ZC3HAV1: variants seen among roughly 807,000 people sequenced by gnomAD.
ZC3HAV1 encodes zinc finger CCCH-type antiviral protein 1.
A neutral mutation model predicts 86.6 loss-of-function variants in ZC3HAV1; 41 were observed. The ratio of observed to expected loss-of-function variants is 0.47; its 90% CI spans 0.37 to 0.61. ZC3HAV1 has a LOEUF of 0.61. ZC3HAV1 is among the 20% of genes least tolerant of loss of function. The probability of loss-of-function intolerance (pLI) is 0.00; values close to 1 mark genes in which losing one functional copy is unlikely to be tolerated. For synonymous variants in ZC3HAV1, 421 were observed against 432.1 expected, an observed-to-expected ratio of 0.97 and a Z score of 0.32; for missense variants, 964 against 1,141.1, an observed-to-expected ratio of 0.84 and a Z score of 2.24.
chr7:139,108,767 C>T lies in ZC3HAV1; in HGVS notation c.308+257G>A, dbSNP rs1369280952. Among the ~76,000 whole-genome samples, 1 of 152,238 alleles carries T rather than the reference C, an allele frequency of 6.6e-6. No homozygotes were observed. The highest frequency in any genetic ancestry group is 1.5e-5 in the Non-Finnish European group (1 of 68,038). On this transcript the variant is annotated intron_variant, in intron 1 of 12. Transcript: ENST00000242351. This position sits in a 1 kb window ranked among gnomAD's most constrained non-coding sequence, Gnocchi z 4.2. ...GCGGGGAAAGGGGTGGAGGTTGAGC[C>T]TGGTCTCCTCCAGGCACTAGCATTT...
chr7:139,080,506 T>C (rs1817098920), intron 3 of ZC3HAV1, among the ~76,000 whole-genome samples: 1 of 152,178 alleles, frequency 6.6e-6, no homozygotes, highest in Non-Finnish European at 1.5e-5. Context: ...CACAGCTCAC[T>C]GCAAGCTCGA....
At chr7:139,080,586 G>A (rs537451320) in intron 3 of ZC3HAV1, among the ~76,000 whole-genome samples, 3 of 152,254 alleles carry the variant, frequency 2.0e-5, no homozygotes, top group African/African-American at 7.2e-5. Context: ...CTCACCAACT[G>A]TGTCAGCTGA....
intron 3 of ZC3HAV1, among the ~76,000 whole-genome samples, 194 bp downstream of exon 3, chr7:139,083,586 G>T (rs1255286234): frequency 6.6e-6 from 1 of 152,088 alleles, no homozygotes; most frequent in East Asian, 1.9e-4. Context: ...AATTAGCTGG[G>T]TGTGGTGGTG....
chr7:139,098,486 A>C (rs1267928828), intron 1 of ZC3HAV1, among the ~76,000 whole-genome samples: 1 of 152,092 alleles, frequency 6.6e-6, no homozygotes, highest in Non-Finnish European at 1.5e-5. Flanking sequence ...TCATTTTCTA[A>C]ATTGGTCTAA....
At chr7:139,108,000 A>T (rs545507153) in intron 1 of ZC3HAV1, among the ~76,000 whole-genome samples, 2 of 152,164 alleles carry the variant, frequency 1.3e-5, no homozygotes, top group East Asian at 3.9e-4. Flanking sequence ...AGGGAAAGAG[A>T]CTTCACAAAA....
rs375607958 is a variant in ZC3HAV1, at chr7:139,047,791, C to T, written c.2512G>A (p.Val838Ile). The change falls in exon 13 of 13, where the codon GTC (valine) becomes ATC (isoleucine). Residue 838 changes from valine (V) to isoleucine (I), a missense_variant. Transcript: ENST00000242351. The part of the protein sequence containing the change: ...HKNCPYDAKN[V>I]VMFVAQVLVG... ...AGAACTTGGGCTACAAACATAACGACGTTTTTGGCATCATACGGGCAATTT... is the reference window on the plus strand; with the variant it reads ...AGAACTTGGGCTACAAACATAACGATGTTTTTGGCATCATACGGGCAATTT... The T allele has an allele frequency of 6.8e-6, 11 of 1,613,826 alleles. No individual in the cohort carries two copies. Among genetic ancestry groups the T allele is most frequent in the African/African-American group, 4.0e-5 (3 of 74,846 alleles).
chr7:139,100,537 A>AAAAAC lies in ZC3HAV1; in HGVS notation c.308+8486_308+8487insGTTTT, dbSNP rs1165425492. The stretch of plus-strand genomic sequence containing the variant: ...CGACAGACCGAGGCTCTGTCTCAAA[A>AAAAAC]AAAAACAAAAACAAAAACAAAAACA... On this transcript the variant is annotated intron_variant, in intron 1 of 12. Coordinates refer to ENST00000242351, the MANE Select transcript of ZC3HAV1 (RefSeq NM_020119.4). 2.0e-5 allele frequency among the ~76,000 whole-genome samples: 3 copies of AAAAAC among 151,974 alleles called. 1 individual carries two copies. Among genetic ancestry groups the AAAAAC allele is most frequent in the Admixed American group, 6.5e-5 (1 of 15,270 alleles).
chr7:139,066,356 A>C (rs1412632643), intron 7 of ZC3HAV1, among the ~76,000 whole-genome samples: 1 of 152,106 alleles, frequency 6.6e-6, no homozygotes, highest in Non-Finnish European at 1.5e-5. Flanking sequence ...TCCAAGGAAA[A>C]CGTCCTGCAC....
chr7:139,061,186 T>C, intron 8 of ZC3HAV1, 48 bp from the exon 9 acceptor site: 2 of 1,571,298 alleles, frequency 1.3e-6, no homozygotes, highest in Non-Finnish European at 1.7e-6. Context: ...AGATCAGCCC[T>C]AGAAAATGAC....
intron 3 of ZC3HAV1, among the ~76,000 whole-genome samples, chr7:139,081,347 G>T (rs1817123493): frequency 6.6e-6 from 1 of 152,098 alleles, no homozygotes; most frequent in South Asian, 2.1e-4. Context: ...AACCCAGGGG[G>T]CAGTAGTTAT....
rs537841081 is a variant in ZC3HAV1 at position 139,050,424 on chromosome 7, G to A, written c.2450-2571C>T. ...CCTCTGTCACTGAGGCTGGAGTGCA[G>A]TGGCAGGATCTCAGCTCACTGCAGC... On this transcript the variant is annotated intron_variant, in intron 12 of 12. Transcript: ENST00000242351. Among the ~76,000 whole-genome samples the A allele has an allele frequency of 9.2e-5, 14 of 152,158 alleles. No individual in the cohort carries two copies. In the East Asian group the frequency reaches 2.7e-3, roughly 29 times the overall value.
Position 139,109,378 on chromosome 7 carries a change from G to A in ZC3HAV1, c.-47C>T, listed in dbSNP as rs1447668051. 1.7e-5 allele frequency: 26 copies of A among 1,491,926 alleles called. No individual in the cohort carries two copies. Among genetic ancestry groups the A allele is most frequent in the Non-Finnish European group, 2.1e-5 (24 of 1,123,330 alleles). The allele number at this position is 1,491,926 out of a possible 1,614,324, so 92.4% of individuals were successfully genotyped here. A position where few individuals can be genotyped will look rare whatever the true frequency, so the allele number is the denominator to read the frequency against. On this transcript the variant is annotated 5_prime_UTR_variant, in exon 1 of 13. Transcript: ENST00000242351. ...CTGCCGCGGCGCGGGACTCGGTTCC[G>A]CGGAAATCGGAAATCGAAACTTACA... is the stretch of plus-strand genomic sequence containing the variant.
chr7:139,080,076 G>A lies in ZC3HAV1; in HGVS notation c.865C>T (p.Pro289Ser). The change falls in exon 4 of 13, where the codon CCT becomes TCT. Residue 289 changes from proline to serine, a missense_variant. Coordinates refer to ENST00000242351, the MANE Select transcript of ZC3HAV1 (RefSeq NM_020119.4). Reference sequence around the variant, plus strand: ...AACTTGCGGGTGAGATCGTCCACAGGCGCGTCCTCCAGGGAAGCCCTGTGG... The same window carrying A: ...AACTTGCGGGTGAGATCGTCCACAGACGCGTCCTCCAGGGAAGCCCTGTGG... ...ISHRASLEDA[P>S]VDDLTRKFTY... 1 of 1,614,162 alleles carries A rather than the reference G, an allele frequency of 6.2e-7. No homozygotes were observed.
At chr7:139,075,381 A>T (rs1230880891) in intron 6 of ZC3HAV1, among the ~76,000 whole-genome samples, 1 of 152,196 alleles carries the variant, frequency 6.6e-6, no homozygotes, top group Non-Finnish European at 1.5e-5. Flanking sequence ...ACCATAGATA[A>T]ATACGGTCAT....
intron 12 of ZC3HAV1, among the ~76,000 whole-genome samples, chr7:139,051,019 A>G (rs1465790240): frequency 1.3e-5 from 2 of 151,752 alleles, no homozygotes; most frequent in East Asian, 3.9e-4. Flanking sequence ...ATCCTTGGGA[A>G]CACCTCTCTA....
chr7:139,059,634 A>T (rs1338507083), intron 9 of ZC3HAV1, among the ~76,000 whole-genome samples: 4 of 151,698 alleles, frequency 2.6e-5, no homozygotes, highest in Admixed American at 2.6e-4. Context: ...AAAAAAATTT[A>T]CTGAAAGGGA....
intron 8 of ZC3HAV1, among the ~76,000 whole-genome samples, chr7:139,063,707 G>A (rs1232444282): frequency 6.8e-6 from 1 of 147,596 alleles, no homozygotes; most frequent in African/African-American, 2.5e-5. Flanking sequence ...CTGAGTGATG[G>A]CGTGGGACCC....
intron 3 of ZC3HAV1, among the ~76,000 whole-genome samples, chr7:139,083,250 G>C (rs535754281): frequency 8.2e-5 from 12 of 145,820 alleles, no homozygotes; most frequent in Admixed American, 6.2e-4. Context: ...AAACCTGGGG[G>C]GGGGGGCAAT....
chr7:139,056,662 C>T (rs1816296010), intron 9 of ZC3HAV1, among the ~76,000 whole-genome samples: 6 of 152,138 alleles, frequency 3.9e-5, no homozygotes, highest in Admixed American at 3.3e-4. Context: ...CTGCCTTGGC[C>T]TCCCAAAGTG....
Sources: gnomAD v4.1 joint callset for allele counts (sites outside exome capture counted in the v4.1 genomes callset) on GRCh38, gnomAD v4.1.1 for gene constraint, Gnocchi (gnomAD v3.1) non-coding constraint, MANE v1.5 for transcripts, NCBI Gene and HGNC (gene_info 2026-07-23, HGNC 2026-07-21) for gene names.